CLDN19: variants seen among roughly 807,000 people sequenced by gnomAD.
CLDN19 encodes claudin 19, also known as claudin-19.
A neutral mutation model predicts 24.5 loss-of-function variants in CLDN19; 19 were observed. The observed-to-expected ratio is 0.78, with a 90% CI of 0.54 to 1.14. The LOEUF (loss-of-function observed/expected upper bound fraction) is 1.14. Ranked by LOEUF, CLDN19 falls within the 50% of genes most tolerant of loss-of-function variation. The pLI, the probability that CLDN19 is intolerant of heterozygous loss-of-function variation, is 0.00. For missense variants in CLDN19, 250 were observed against 295.9 expected (o/e 0.84, Z 1.14); for synonymous variants, 117 against 129.6 (o/e 0.90, Z 0.66).
chr1:42,739,772 G>A (rs1380227487), intron 1 of CLDN19, 69 bp downstream of exon 1: 1 of 1,344,586 alleles, frequency 7.4e-7, no homozygotes, highest in East Asian at 2.4e-5. Flanking sequence ...CAGACTGTGA[G>A]GAAAACTTGC....
At chr1:42,735,742 G>A in intron 4 of CLDN19, 136 bp downstream of exon 4, 1 of 1,488,900 alleles carries the variant, frequency 6.7e-7, no homozygotes, top group South Asian at 1.3e-5. Context: ...CTTGTGTTGA[G>A]GACAAGCTGC....
In CLDN19 at chr1:42,738,533, G is replaced by A. The variant is rs778861111; in HGVS notation, c.276C>T (p.Phe92=). The part of the protein sequence containing the change: ...ALMVVAVLLG[F]VAMVLSVVGM... ...CAACTACGCTGAGGACCATGGCCAC[G>A]AAGCCCAGGAGCACGGCCACCACCA... Residue 92 remains phenylalanine (F), a synonymous_variant, in exon 2 of 5, where the codon TTC becomes TTT. Coordinates refer to ENST00000296387, the MANE Select transcript of CLDN19 (RefSeq NM_148960.3). 17 of 1,613,832 alleles carry A rather than the reference G, an allele frequency of 1.1e-5. No homozygotes were observed. Among genetic ancestry groups the A allele is most frequent in the African/African-American group, 4.0e-5 (3 of 74,936 alleles).
At position 42,740,021 on chromosome 1, in the gene CLDN19, G is replaced by T; in HGVS notation, c.43C>A (p.Leu15Met). ...GLQLLGYFLA[L>M]GGWVGIIAST... The stretch of plus-strand genomic sequence containing the variant: ...GCAATGATGCCCACCCAGCCACCCA[G>T]GGCCAAGAAGTAGCCCAGGAGCTGG... The change falls in exon 1 of 5, where the codon CTG becomes ATG. Residue 15 changes from leucine (L) to methionine (M), a missense_variant. Coordinates refer to ENST00000296387, the MANE Select transcript of CLDN19 (RefSeq NM_148960.3). The T allele has an allele frequency of 1.3e-6, 2 of 1,568,002 alleles. No homozygotes were observed. The highest frequency in any genetic ancestry group is 1.7e-6 in the Non-Finnish European group (2 of 1,156,006).
chr1:42,738,649 G>T lies in CLDN19; in HGVS notation c.224-64C>A, dbSNP rs116469811. On this transcript the variant is annotated intron_variant, in intron 1 of 4. Transcript: ENST00000296387. ...GATGGGGGTTGGGTCGGTGCCTGGG[G>T]TCGGTGGAAGGAGCCCAGCTTGAGA... 3,743 of 1,532,536 alleles carry T rather than the reference G, an allele frequency of 2.4e-3. 91 individuals carry two copies. In the African/African-American group the frequency reaches 0.045, roughly 18 times the overall value. 94.9% of individuals were successfully genotyped at this position (1,532,536 alleles called of 1,614,324 possible).
chr1:42,735,798 G>T, intron 4 of CLDN19, 80 bp downstream of exon 4: 3 of 1,546,020 alleles, frequency 1.9e-6, no homozygotes, highest in East Asian at 2.4e-5. Flanking sequence ...CCTGCCCAGG[G>T]TGCTGCGAGG....
chr1:42,736,237 G>A (rs558561208), intron 3 of CLDN19, among the ~76,000 whole-genome samples: 12 of 150,844 alleles, frequency 8.0e-5, no homozygotes, highest in East Asian at 2.0e-4. Flanking sequence ...AGGGTGACCC[G>A]GCCTGGGGTA....
chr1:42,734,992 T>C lies in CLDN19; in HGVS notation c.*94A>G, dbSNP rs1651309054. The C allele has an allele frequency of 9.8e-7, 1 of 1,024,768 alleles. No homozygotes were observed. The highest frequency in any genetic ancestry group is 2.0e-5 in the Admixed American group (1 of 51,240). 63.5% of individuals were successfully genotyped at this position (1,024,768 alleles called of 1,614,324 possible). A position where few individuals can be genotyped will look rare whatever the true frequency, so the allele number is the denominator to read the frequency against. On this transcript the variant is annotated 3_prime_UTR_variant, in exon 5 of 5. Coordinates refer to ENST00000296387, the MANE Select transcript of CLDN19 (RefSeq NM_148960.3). Reference sequence around the variant, plus strand: ...GCTGAGGACAGACCGAATGATACCATGATTGGGGCTGGATGTTCACTTCTC... The same window carrying C: ...GCTGAGGACAGACCGAATGATACCACGATTGGGGCTGGATGTTCACTTCTC...
At position 42,739,936 on chromosome 1, in the gene CLDN19, G is replaced by A. The variant is rs387907421; in HGVS notation, c.128C>T (p.Ala43Val). The change falls in exon 1 of 5, where the codon GCC (alanine) becomes GTC (valine). Residue 43 changes from alanine (A) to valine (V), a missense_variant. By Grantham distance (64) the Ala-to-Val change is moderately conservative (BLOSUM62 0). Coordinates refer to ENST00000296387, the MANE Select transcript of CLDN19 (RefSeq NM_148960.3). ...CCAGAGCCCTTCATAGAGGCCCACG[G>A]CAGTGATGATGGCGTCGCCTGCGTA... Reference protein sequence around the residue: ...SSYAGDAIITAVGLYEGLWMS... With the variant: ...SSYAGDAIITVVGLYEGLWMS... 6.2e-7 allele frequency: 1 copy of A among 1,611,098 alleles called. No homozygotes were observed. The highest frequency in any genetic ancestry group is 1.1e-5 in the South Asian group (1 of 90,456).
At chr1:42,737,992 AT>A (rs757304707) in intron 3 of CLDN19, among the ~76,000 whole-genome samples, 9 of 152,166 alleles carry the variant, frequency 5.9e-5, no homozygotes, top group Non-Finnish European at 8.8e-5. Context: ...CAGAGCTGGG[AT>A]TGAAACCCAG....
chr1:42,740,033 A>G lies in CLDN19; in HGVS notation c.31T>C (p.Tyr11His), dbSNP rs755733650. The G allele has an allele frequency of 7.7e-6, 12 of 1,561,062 alleles. No individual in the cohort carries two copies. Among genetic ancestry groups the G allele is most frequent in the Non-Finnish European group, 1.0e-5 (12 of 1,152,210 alleles). Reference sequence around the variant, plus strand: ...ACCCAGCCACCCAGGGCCAAGAAGTAGCCCAGGAGCTGGAGGCCTGAGTTG... The same window carrying G: ...ACCCAGCCACCCAGGGCCAAGAAGTGGCCCAGGAGCTGGAGGCCTGAGTTG... Reference protein sequence around the residue: MANSGLQLLGYFLALGGWVGI... With the variant: MANSGLQLLGHFLALGGWVGI... The change falls in exon 1 of 5, where the codon TAC becomes CAC. Residue 11 changes from tyrosine (Y) to histidine (H), a missense_variant. Tyr to His is a moderately conservative substitution (Grantham distance 83, BLOSUM62 2). Transcript: ENST00000296387.
At position 42,739,954 on chromosome 1, in the gene CLDN19, C is replaced by G; in HGVS notation, c.110G>C (p.Gly37Ala). 1 of 1,605,868 alleles carries G rather than the reference C, an allele frequency of 6.2e-7. No homozygotes were observed. The highest frequency in any genetic ancestry group is 8.5e-7 in the Non-Finnish European group (1 of 1,176,458). ...GCCCACGGCAGTGATGATGGCGTCG[C>G]CTGCGTAGGAAGACTGCTTCCACTG... is the stretch of plus-strand genomic sequence containing the variant. ...LPQWKQSSYA[G>A]DAIITAVGLY... The change falls in exon 1 of 5, where the codon GGC becomes GCC. Residue 37 changes from glycine to alanine, a missense_variant. By Grantham distance (60) the Gly-to-Ala change is moderately conservative. Coordinates refer to ENST00000296387, the MANE Select transcript of CLDN19 (RefSeq NM_148960.3).
At chr1:42,739,789 CTCCCCTGCTG>C in intron 1 of CLDN19, 42 bp downstream of exon 1, 1 of 1,504,454 alleles carries the variant, frequency 6.6e-7, no homozygotes, top group Admixed American at 1.7e-5. Flanking sequence ...TTGCTCCAGA[CTCCCCTGCTG>C]TTCCCACCTC....
intron 4 of CLDN19, 180 bp downstream of exon 4, chr1:42,735,698 C>T: frequency 2.1e-6 from 3 of 1,453,722 alleles, no homozygotes; most frequent in Non-Finnish European, 2.7e-6. Flanking sequence ...TGGTGTCTCT[C>T]TGAGGATCTG....
At chr1:42,736,920 C>A (rs1021445486) in intron 3 of CLDN19, among the ~76,000 whole-genome samples, 1 of 152,180 alleles carries the variant, frequency 6.6e-6, no homozygotes, top group Non-Finnish European at 1.5e-5. Flanking sequence ...GCTGCAGCCA[C>A]CACCCAGGGA....
At chr1:42,736,126 T>C (rs1651363821) in intron 3 of CLDN19, 96 bp from the exon 4 acceptor site, 3 of 751,490 alleles carry the variant, frequency 4.0e-6, no homozygotes, top group Middle Eastern at 3.8e-4. Context: ...TGTGTGGAGC[T>C]GGAGGCTGGA....
intron 4 of CLDN19, 169 bp downstream of exon 4, chr1:42,735,709 G>T: frequency 6.9e-7 from 1 of 1,458,106 alleles, no homozygotes. Context: ...TGAGGATCTG[G>T]GTCTCAGATT....
rs138777333 is a variant in CLDN19, at chr1:42,734,555, TG to T, written c.*530del. On this transcript the variant is annotated 3_prime_UTR_variant, in exon 5 of 5. Transcript: ENST00000296387. ...TTCTACATGGGGAGCTCCTACACTG[TG>T]TCCCCTCACCTATCGCTGATCCCCA... 0.016 allele frequency: 2,500 copies of T among 160,312 alleles called. 74 individuals are homozygous for T. Among genetic ancestry groups the T allele is most frequent in the African/African-American group, 0.057 (2,374 of 41,674 alleles). 9.9% of individuals were successfully genotyped at this position (160,312 alleles called of 1,614,324 possible).
At chr1:42,735,764 A>G in intron 4 of CLDN19, 114 bp downstream of exon 4, 1 of 1,526,324 alleles carries the variant, frequency 6.6e-7, no homozygotes. Context: ...CAGAGCACCT[A>G]TGCCCATCCT....
At position 42,738,578 on chromosome 1, in the gene CLDN19, G is replaced by C; in HGVS notation, c.231C>G (p.Ile77Met). The C allele has an allele frequency of 6.2e-7, 1 of 1,613,610 alleles. No homozygotes were observed. Among genetic ancestry groups the C allele is most frequent in the South Asian group, 1.1e-5 (1 of 91,064 alleles). ...CCACCATCAGGGCCCGCGCTGATTG[G>C]ATGTGACCTAGGGTGGGCGGGATGA... ...YDSLLALDGH[I>M]QSARALMVVA... The change falls in exon 2 of 5, where the codon ATC becomes ATG. Residue 77 changes from isoleucine (I) to methionine (M), a missense_variant. Coordinates refer to ENST00000296387, the MANE Select transcript of CLDN19 (RefSeq NM_148960.3).
Sources: allele counts gnomAD v4.1 joint callset (sites outside exome capture counted in the v4.1 genomes callset), GRCh38; gene constraint gnomAD v4.1.1; transcripts MANE v1.5; gene names NCBI Gene and HGNC (gene_info 2026-07-23, HGNC 2026-07-21).